Variants in RPRD2 observed in about 807,000 individuals in gnomAD.
The protein encoded by RPRD2 is regulation of nuclear pre-mRNA domain-containing protein 2.
A neutral mutation model predicts 104.4 loss-of-function variants in RPRD2; 12 were observed. The ratio of observed to expected loss-of-function variants is 0.11; its 90% CI spans 0.07 to 0.19. The LOEUF is 0.19. Among genes scored for constraint, RPRD2 ranks in the 10% least tolerant of loss-of-function variants. The probability of loss-of-function intolerance (pLI) is 1.00; values close to 1 mark genes in which losing one functional copy is unlikely to be tolerated. For synonymous variants in RPRD2, 714 were observed against 684.9 expected, an observed-to-expected ratio of 1.04 and a Z score of -0.66; for missense variants, 1,543 against 1,790.1, an observed-to-expected ratio of 0.86 and a Z score of 2.49.
chr1:150,406,141 C>T (rs1553886467), intron 1 of RPRD2, among the ~76,000 whole-genome samples: 1 of 152,136 alleles, frequency 6.6e-6, no homozygotes, highest in East Asian at 1.9e-4. Context: ...GCACCTCATA[C>T]TGCAAAAGTT....
chr1:150,378,588 CT>C (rs1175144383), intron 1 of RPRD2, among the ~76,000 whole-genome samples: 1 of 152,178 alleles, frequency 6.6e-6, no homozygotes, highest in Non-Finnish European at 1.5e-5. Flanking sequence ...CACTTCTCTC[CT>C]TTTAAGCCAG....
chr1:150,383,839 CT>C (rs2102143231), intron 1 of RPRD2, among the ~76,000 whole-genome samples: 1 of 152,266 alleles, frequency 6.6e-6, no homozygotes, highest in South Asian at 2.1e-4. Flanking sequence ...TCCTCTTAGG[CT>C]TCTCAGATTG....
intron 1 of RPRD2, among the ~76,000 whole-genome samples, chr1:150,404,143 G>A (rs781877453): frequency 2.0e-5 from 3 of 152,290 alleles, no homozygotes; most frequent in Non-Finnish European, 2.9e-5. Flanking sequence ...AGCCACACTT[G>A]TGTGATTATG....
intron 7 of RPRD2, among the ~76,000 whole-genome samples, chr1:150,446,833 C>CTTTTTTT (rs782290005): frequency 3.1e-5 from 4 of 127,504 alleles, no homozygotes; most frequent in South Asian, 2.4e-4. Flanking sequence ...AGACCTGGGT[C>CTTTTTTT]TTTTTTTTTT....
chr1:150,418,770 G>A (rs1478471808), intron 2 of RPRD2, among the ~76,000 whole-genome samples: 10 of 152,086 alleles, frequency 6.6e-5, no homozygotes, highest in South Asian at 2.1e-4. Context: ...CCAGCACTTC[G>A]GGAGGCCAAG....
intron 1 of RPRD2, among the ~76,000 whole-genome samples, chr1:150,392,424 G>A (rs888138496): frequency 1.3e-5 from 2 of 152,094 alleles, no homozygotes; most frequent in Admixed American, 1.3e-4. Context: ...AGAATTGCTG[G>A]AACCCAGGAG....
chr1:150,425,701 A>G (rs587603679), intron 2 of RPRD2, among the ~76,000 whole-genome samples: 11 of 152,290 alleles, frequency 7.2e-5, no homozygotes, highest in Non-Finnish European at 1.3e-4. Context: ...TTGATTCTCA[A>G]ATCAAATATA....
chr1:150,473,136 C>T lies in RPRD2; in HGVS notation c.4188C>T (p.Gly1396=). The T allele has an allele frequency of 1.9e-6, 3 of 1,613,552 alleles. No individual in the cohort carries two copies. The highest frequency in any genetic ancestry group is 1.1e-5 in the South Asian group (1 of 91,072). Residue 1396 remains glycine (G), a synonymous_variant, in exon 11 of 11, where the codon GGC becomes GGT. Coordinates refer to ENST00000369068, the MANE Select transcript of RPRD2 (RefSeq NM_015203.5). ...GGGGGSNSSS[G]PPLGPSHRDT... is the part of the protein sequence containing the mutation. ...GGGGAGGCAGCAACAGCAGCAGTGG[C>T]CCCCCCTTGGGTCCCTCACACAGAG...
chr1:150,367,233 C>T (rs1553877289), intron 1 of RPRD2, among the ~76,000 whole-genome samples: 1 of 152,168 alleles, frequency 6.6e-6, no homozygotes, highest in Non-Finnish European at 1.5e-5. Flanking sequence ...TCACTGGTCT[C>T]ATTGTAAATA....
chr1:150,385,332 T>G (rs1450920288), intron 1 of RPRD2, among the ~76,000 whole-genome samples: 1 of 151,666 alleles, frequency 6.6e-6, no homozygotes, highest in Non-Finnish European at 1.5e-5. Context: ...AAAAAATTAG[T>G]CGGGCGTGGT....
Position 150,471,854 on chromosome 1 carries a change from T to G in RPRD2, c.2906T>G (p.Val969Gly), listed in dbSNP as rs200042667. ...CAGTACCCAGACTCTCCTCACCCAGTCCCACATCGTTCCCTTTTCTCTCCG... is the reference window on the plus strand; with the variant it reads ...CAGTACCCAGACTCTCCTCACCCAGGCCCACATCGTTCCCTTTTCTCTCCG... The part of the protein sequence containing the change: ...QKQYPDSPHP[V>G]PHRSLFSPQN... Residue 969 changes from valine to glycine, a missense_variant, in exon 11 of 11, where the codon GTC (valine) becomes GGC (glycine). This residue lies in a region of RPRD2 where 880 missense variants were observed against 885.6 expected (regional missense o/e 0.99). Transcript: ENST00000369068. This position sits in a 1 kb window ranked among gnomAD's most constrained non-coding sequence, Gnocchi z 5.3. The G allele has an allele frequency of 1.1e-3, 1,849 of 1,613,918 alleles. 3 individuals carry two copies. The highest frequency in any genetic ancestry group is 1.4e-3 in the Non-Finnish European group (1,685 of 1,179,882).
intron 2 of RPRD2, among the ~76,000 whole-genome samples, chr1:150,420,256 A>T (rs1439644250): frequency 6.6e-6 from 1 of 151,744 alleles, no homozygotes; most frequent in Non-Finnish European, 1.5e-5. Flanking sequence ...TTTTTTTTTT[A>T]AACCATGTAA....
intron 1 of RPRD2, among the ~76,000 whole-genome samples, chr1:150,388,214 G>C (rs1262825614): frequency 6.6e-6 from 1 of 151,814 alleles, no homozygotes; most frequent in African/African-American, 2.4e-5. Context: ...CACTGCACCT[G>C]GCCCAGACAT....
rs1553876842 is a variant in RPRD2, at chr1:150,364,694, G to C, written c.-21G>C. ...CGCCGCCGCCGCCAGAGGAGCAGCA[G>C]CGCTTGTGCAAACCGGGAAGATGGC... On this transcript the variant is annotated 5_prime_UTR_variant, in exon 1 of 11. Coordinates refer to ENST00000369068, the MANE Select transcript of RPRD2 (RefSeq NM_015203.5). 1 of 1,476,830 alleles carries C rather than the reference G, an allele frequency of 6.8e-7. No homozygotes were observed. Among genetic ancestry groups the C allele is most frequent in the Non-Finnish European group, 9.2e-7 (1 of 1,082,026 alleles). The allele number at this position is 1,476,830 out of a possible 1,614,324, so 91.5% of individuals were successfully genotyped here.
chr1:150,444,409 AT>A (rs782395843), intron 6 of RPRD2, 32 bp downstream of exon 6: 1 of 1,600,322 alleles, frequency 6.2e-7, no homozygotes, highest in South Asian at 1.1e-5. Context: ...AGTAAGTCAG[AT>A]TTTCTTTCCA....
intron 1 of RPRD2, among the ~76,000 whole-genome samples, chr1:150,400,413 AACTGGAAGAG>A (rs1662881352): frequency 6.6e-6 from 1 of 152,174 alleles, no homozygotes; most frequent in African/African-American, 2.4e-5. Context: ...AGCAGTTCCC[AACTGGAAGAG>A]ACTGGGATGG....
At chr1:150,374,114 C>T (rs1390143368) in intron 1 of RPRD2, among the ~76,000 whole-genome samples, 2 of 152,256 alleles carry the variant, frequency 1.3e-5, no homozygotes, top group East Asian at 1.9e-4. Flanking sequence ...TGTGACTTTC[C>T]GCCCTACCAT....
At chr1:150,394,879 C>T (rs1662369683) in intron 1 of RPRD2, among the ~76,000 whole-genome samples, 1 of 152,074 alleles carries the variant, frequency 6.6e-6, no homozygotes, top group African/African-American at 2.4e-5. Flanking sequence ...CAGCGCCTGG[C>T]CACAAAAATT....
At chr1:150,395,711 A>G (rs1231067919) in intron 1 of RPRD2, among the ~76,000 whole-genome samples, 4 of 151,438 alleles carry the variant, frequency 2.6e-5, no homozygotes, top group African/African-American at 9.7e-5. Context: ...GGGTTTCACC[A>G]TGTTGGCCAG....
Sources: allele counts gnomAD v4.1 joint callset (sites outside exome capture counted in the v4.1 genomes callset), GRCh38; gene constraint gnomAD v4.1.1; regional missense constraint gnomAD v4.1.1; non-coding constraint Gnocchi (gnomAD v3.1); transcripts MANE v1.5; gene names NCBI Gene and HGNC (gene_info 2026-07-23, HGNC 2026-07-21).